The following PPIP5K2 variants were observed in gnomAD, a reference collection of about 807,000 sequenced individuals.
PPIP5K2 encodes diphosphoinositol pentakisphosphate kinase 2.
In PPIP5K2, 105 loss-of-function variants were observed where a neutral mutation model predicts 154.6. The ratio of observed to expected loss-of-function variants is 0.68; its 90% CI spans 0.58 to 0.80. The LOEUF is 0.80. PPIP5K2 is among the 30% of genes least tolerant of loss of function. The pLI is 0.00. For synonymous variants in PPIP5K2, 480 were observed against 490.3 expected (o/e 0.98, Z 0.28); for missense variants, 992 against 1,504.6 (o/e 0.66, Z 5.64).
At chr5:103,149,752 A>G (rs913847529) in intron 8 of PPIP5K2, among the ~76,000 whole-genome samples, 1 of 151,042 alleles carries the variant, frequency 6.6e-6, no homozygotes, top group African/African-American at 2.4e-5. Context: ...GCTGGAGTGC[A>G]GTGGCAGGAT....
intron 30 of PPIP5K2, 32 bp from the exon 31 acceptor site, chr5:103,201,490 T>C (rs1451690845): frequency 1.5e-6 from 2 of 1,302,818 alleles, no homozygotes; most frequent in South Asian, 1.4e-5. Context: ...ATTTAAGCAA[T>C]AGTTTTTTTT....
At position 103,183,176 on chromosome 5, in the gene PPIP5K2, CTTTTTTTTTTTTTTTTTTTTT is replaced by C. The variant is rs781952635; in HGVS notation, c.2923-41_2923-21del. 753 of 539,084 alleles carry C rather than the reference CTTTTTTTTTTTTTTTTTTTTT, an allele frequency of 1.4e-3. 5 individuals carry two copies. The highest frequency in any genetic ancestry group is 0.011 in the South Asian group (230 of 20,978). The allele number at this position is 539,084 out of a possible 1,614,324, so 33.4% of individuals were successfully genotyped here. ...GTTGTATCTAACTTTGCATGCTCTG[CTTTTTTTTTTTTTTTTTTTTT>C]TTTTTTTTTTTTTTTTGCCCCCTTT... On this transcript the variant is annotated intron_variant, in intron 24 of 30. Coordinates refer to ENST00000358359, the MANE Select transcript of PPIP5K2 (RefSeq NM_001276277.3).
At chr5:103,163,034 G>A (rs75891678) in intron 17 of PPIP5K2, among the ~76,000 whole-genome samples, 2 of 145,304 alleles carry the variant, frequency 1.4e-5, no homozygotes, top group South Asian at 2.1e-4. Context: ...TTGTTGATCC[G>A]TGTGCCAATG....
chr5:103,154,034 T>C, intron 11 of PPIP5K2, 100 bp downstream of exon 11: 1 of 827,792 alleles, frequency 1.2e-6, no homozygotes, highest in Middle Eastern at 2.9e-4. Context: ...GAAAAACTTT[T>C]ATCTACTGTC....
intron 16 of PPIP5K2, among the ~76,000 whole-genome samples, 181 bp downstream of exon 16, chr5:103,158,754 C>T (rs1025175485): frequency 6.6e-6 from 1 of 151,782 alleles, no homozygotes; most frequent in Non-Finnish European, 1.5e-5. Context: ...AAACCTGTCT[C>T]TGCAAAAAAA....
At chr5:103,145,655 T>C (rs555855306) in intron 5 of PPIP5K2, among the ~76,000 whole-genome samples, 2 of 151,334 alleles carry the variant, frequency 1.3e-5, no homozygotes, top group Non-Finnish European at 2.9e-5. Context: ...AGATTGCATG[T>C]TTTCACGTGT....
chr5:103,173,109 C>A (rs782068481), intron 19 of PPIP5K2, 46 bp from the exon 20 acceptor site: 4 of 1,484,452 alleles, frequency 2.7e-6, no homozygotes, highest in Non-Finnish European at 3.6e-6. Flanking sequence ...TTTTAGAGTA[C>A]TTTGTCATTA....
Position 103,210,305 on chromosome 5 carries a change from C to T in PPIP5K2, c.*8671C>T, listed in dbSNP as rs1385414293. 6.6e-6 allele frequency: 1 copy of T among 152,216 alleles called. No homozygotes were observed. Among genetic ancestry groups the T allele is most frequent in the Admixed American group, 6.5e-5 (1 of 15,280 alleles). 9.4% of individuals were successfully genotyped at this position (152,216 alleles called of 1,614,324 possible). A position where few individuals can be genotyped will look rare whatever the true frequency, so the allele number is the denominator to read the frequency against. On this transcript the variant is annotated 3_prime_UTR_variant, in exon 31 of 31. Coordinates refer to ENST00000358359, the MANE Select transcript of PPIP5K2 (RefSeq NM_001276277.3). ...GCTGAAAATCTTACCATATGCTTTCCACAGGCTGAGCAAGAGGATAGATCA... is the reference window on the plus strand; with the variant it reads ...GCTGAAAATCTTACCATATGCTTTCTACAGGCTGAGCAAGAGGATAGATCA...
At chr5:103,180,293 A>C in intron 24 of PPIP5K2, 105 bp downstream of exon 24, 1 of 878,014 alleles carries the variant, frequency 1.1e-6, no homozygotes. Flanking sequence ...GGAAACCAAC[A>C]AATTTTTAAA....
At position 103,208,333 on chromosome 5, in the gene PPIP5K2, C is replaced by T. The variant is rs1292971286; in HGVS notation, c.*6699C>T. 1 of 152,210 alleles carries T rather than the reference C, an allele frequency of 6.6e-6. No homozygotes were observed. Among genetic ancestry groups the T allele is most frequent in the Non-Finnish European group, 1.5e-5 (1 of 68,114 alleles). The allele number at this position is 152,210 out of a possible 1,614,324, so 9.4% of individuals were successfully genotyped here. Reference sequence around the variant, plus strand: ...CTCGAACTCCTGACCTCATGATCTTCCTGCCTCAGCCTCCCAAAATGCTGG... The same window carrying T: ...CTCGAACTCCTGACCTCATGATCTTTCTGCCTCAGCCTCCCAAAATGCTGG... On this transcript the variant is annotated 3_prime_UTR_variant, in exon 31 of 31. Coordinates refer to ENST00000358359, the MANE Select transcript of PPIP5K2 (RefSeq NM_001276277.3).
chr5:103,138,397 A>C lies in PPIP5K2; in HGVS notation c.415A>C (p.Ser139Arg), dbSNP rs371225804. 3.2e-6 allele frequency: 5 copies of C among 1,585,120 alleles called. No homozygotes were observed. In the African/African-American group the frequency reaches 6.7e-5, roughly 21 times the overall value. Residue 139 changes from serine to arginine, a missense_variant, in exon 5 of 31, where the codon AGT becomes CGT. Ser to Arg is a moderately radical substitution (Grantham distance 110). Around this residue, in one of 9 missense-constraint regions of PPIP5K2, gnomAD observed 153 missense variants for 200.4 expected, o/e 0.76. Coordinates refer to ENST00000358359, the MANE Select transcript of PPIP5K2 (RefSeq NM_001276277.3). Reference protein sequence around the residue: ...YLIQDRREVYSILQAEGILLP... With the variant: ...YLIQDRREVYRILQAEGILLP... ...CTTTTTCTTCAGGAGAGAAGTATAT[A>C]GTATTCTTCAAGCTGAAGGTATTTT...
chr5:103,191,109 A>G, intron 29 of PPIP5K2, 127 bp downstream of exon 29: 1 of 760,132 alleles, frequency 1.3e-6, no homozygotes, highest in Non-Finnish European at 2.0e-6. Context: ...AGGGGAGTGT[A>G]AAGGGACATT....
In PPIP5K2 at chr5:103,201,666, T is replaced by C. The variant is rs1554230565; in HGVS notation, c.*32T>C. ...AGCAGAAGCTGGAACTTTTTATACT[T>C]ATAAAAATAGTATGTTCTTATGTTT... On this transcript the variant is annotated 3_prime_UTR_variant, in exon 31 of 31. Transcript: ENST00000358359. 7.1e-7 allele frequency: 1 copy of C among 1,415,048 alleles called. No individual in the cohort carries two copies. Among genetic ancestry groups the C allele is most frequent in the South Asian group, 1.2e-5 (1 of 81,262 alleles). 87.7% of individuals were successfully genotyped at this position (1,415,048 alleles called of 1,614,324 possible).
Position 103,133,627 on chromosome 5 carries a change from CTT to C in PPIP5K2, c.290_291del (p.Leu97HisfsTer6). The C allele has an allele frequency of 6.2e-7, 1 of 1,604,090 alleles. No individual in the cohort carries two copies. ...GGAAAACTGGCCTTTATGTGATTGT[CTT>C]ATTTCTTTCCATTCTAAAGGTATTA... is the stretch of plus-strand genomic sequence containing the variant. ...PVENWPLCDC[L>X]ISFHSKGFPL... On this transcript the variant is annotated frameshift_variant, in exon 3 of 31. Transcript: ENST00000358359. LOFTEE classifies it high-confidence loss of function.
In PPIP5K2 at chr5:103,201,839, T is replaced by C; in HGVS notation, c.*205T>C. ...CTGTGAGCAGCAAAACTTATAGTGA[T>C]AAAAATCGATTGTTGTTAATATGAT... On this transcript the variant is annotated 3_prime_UTR_variant, in exon 31 of 31. Coordinates refer to ENST00000358359, the MANE Select transcript of PPIP5K2 (RefSeq NM_001276277.3). 1 of 505,612 alleles carries C rather than the reference T, an allele frequency of 2.0e-6. No individual in the cohort carries two copies. The highest frequency in any genetic ancestry group is 3.5e-6 in the Non-Finnish European group (1 of 281,996). 31.3% of individuals were successfully genotyped at this position (505,612 alleles called of 1,614,324 possible).
rs1800090811 is a variant in PPIP5K2, at chr5:103,184,722, A to G, written c.3147A>G (p.Glu1049=). ...TGAGAACACCAAGAACTCTTGTGGAACAGAAGCAGAATCCTACTGTAGGTA... is the reference window on the plus strand; with the variant it reads ...TGAGAACACCAAGAACTCTTGTGGAGCAGAAGCAGAATCCTACTGTAGGTA... ...NYLRTPRTLV[E]QKQNPTVGSH... Residue 1049 remains glutamate, a synonymous_variant, in exon 26 of 31, where the codon GAA becomes GAG. Coordinates refer to ENST00000358359, the MANE Select transcript of PPIP5K2 (RefSeq NM_001276277.3). 3.1e-6 allele frequency: 5 copies of G among 1,612,546 alleles called. No homozygotes were observed. In the South Asian group the frequency reaches 5.5e-5, roughly 18 times the overall value.
At chr5:103,171,591 A>G (rs1797994810) in intron 19 of PPIP5K2, among the ~76,000 whole-genome samples, 1 of 151,618 alleles carries the variant, frequency 6.6e-6, no homozygotes, top group Non-Finnish European at 1.5e-5. Flanking sequence ...AAAATGTGTC[A>G]CTGTTTTGAA....
rs1334137311 is a variant in PPIP5K2 at position 103,211,945 on chromosome 5, G to C, written c.*10311G>C. 9.9e-5 allele frequency: 15 copies of C among 152,122 alleles called. No individual in the cohort carries two copies. Among genetic ancestry groups the C allele is most frequent in the Admixed American group, 5.9e-4 (9 of 15,266 alleles). 9.4% of individuals were successfully genotyped at this position (152,122 alleles called of 1,614,324 possible). On this transcript the variant is annotated 3_prime_UTR_variant, in exon 31 of 31. Transcript: ENST00000358359. ...AAGCAAGAATTAAAACTAGTTATCT[G>C]AATGTAAAAGGAATCAACGGCTAAA...
chr5:103,146,329 C>G lies in PPIP5K2; in HGVS notation c.488-198C>G, dbSNP rs551978514. On this transcript the variant is annotated intron_variant, in intron 5 of 30. Transcript: ENST00000358359. ...GGTAAGTCTGTAAAATTTTGAAGAA[C>G]TATAGCTTTTAATGCCATACGTATC... 1.2e-4 allele frequency among the ~76,000 whole-genome samples: 19 copies of G among 152,064 alleles called. No individual in the cohort carries two copies. In the South Asian group the frequency reaches 3.9e-3, roughly 32 times the overall value.
Sources: allele counts gnomAD v4.1 joint callset (sites outside exome capture counted in the v4.1 genomes callset), GRCh38; gene constraint gnomAD v4.1.1; regional missense constraint gnomAD v4.1.1; transcripts MANE v1.5; gene names NCBI Gene and HGNC (gene_info 2026-07-23, HGNC 2026-07-21).